Variants in TNIP2 observed in about 807,000 individuals in gnomAD.
The protein encoded by TNIP2 is TNFAIP3-interacting protein 2.
In TNIP2, 30 loss-of-function variants were observed where a neutral mutation model predicts 43.7. That is an observed-to-expected ratio of 0.69 (90% CI 0.51 to 0.93). TNIP2 has a LOEUF of 0.93. Among genes scored for constraint, TNIP2 ranks in the 40% least tolerant of loss-of-function variants. TNIP2 has a pLI of 0.00. For synonymous variants in TNIP2, 260 were observed against 254.6 expected, an observed-to-expected ratio of 1.02 and a Z score of -0.20; for missense variants, 599 against 591.0, an observed-to-expected ratio of 1.01 and a Z score of -0.14.
At chr4:2,746,965 G>GA (rs1215421590) in intron 2 of TNIP2, among the ~76,000 whole-genome samples, 1 of 152,248 alleles carries the variant, frequency 6.6e-6, no homozygotes, top group Non-Finnish European at 1.5e-5. Context: ...AGACCCCACA[G>GA]AGAGCTACAG....
At chr4:2,750,897 C>T (rs373044780) in intron 1 of TNIP2, among the ~76,000 whole-genome samples, 2 of 152,290 alleles carry the variant, frequency 1.3e-5, no homozygotes, top group African/African-American at 4.8e-5. Flanking sequence ...CTCGTAGATC[C>T]TGAGGGCGTG....
chr4:2,748,031 G>T (rs1722000128), intron 1 of TNIP2, 86 bp from the exon 2 acceptor site: 1 of 1,427,784 alleles, frequency 7.0e-7, no homozygotes, highest in African/African-American at 1.4e-5. Context: ...AGAAGACCTG[G>T]CGTGGATGCC....
At chr4:2,753,079 A>T (rs231175) in intron 1 of TNIP2, among the ~76,000 whole-genome samples, 29,505 of 152,162 alleles carry the variant, frequency 0.19, 3,734 homozygotes, top group Middle Eastern at 0.3. Flanking sequence ...TCTCTAAAAA[A>T]ATAAAAATAA....
In TNIP2 at chr4:2,744,832, C is replaced by T. The variant is rs1158295108; in HGVS notation, c.771G>A (p.Met257Ile). 4 of 1,613,838 alleles carry T rather than the reference C, an allele frequency of 2.5e-6. No individual in the cohort carries two copies. The highest frequency in any genetic ancestry group is 3.4e-6 in the Non-Finnish European group (4 of 1,180,050). Reference protein sequence around the residue: ...GLQIPHEPELMRKEISRLNRQ... With the variant: ...GLQIPHEPELIRKEISRLNRQ... ...TGTTGAGCCGGGAGATCTCCTTCCT[C>T]ATCAGCTCGGGCTCGTGGGGGATCT... The change falls in exon 4 of 6, where the codon ATG (methionine) becomes ATA (isoleucine). Residue 257 changes from methionine to isoleucine, a missense_variant. Met to Ile is a conservative substitution (Grantham distance 10). Coordinates refer to ENST00000315423, the MANE Select transcript of TNIP2 (RefSeq NM_024309.4). The surrounding 1 kb of genome is among the most constrained non-coding windows in gnomAD (Gnocchi z 5.1).
chr4:2,756,298 G>T lies in TNIP2; in HGVS notation c.-9C>A. The stretch of plus-strand genomic sequence containing the variant: ...CCCGGGTCCCGGGACATGGCTGTAG[G>T]CCCGCCCGGGAGGCCGCGCGGCCGC... On this transcript the variant is annotated 5_prime_UTR_variant, in exon 1 of 6. Transcript: ENST00000315423. 8.1e-7 allele frequency: 1 copy of T among 1,238,258 alleles called. No homozygotes were observed. The highest frequency in any genetic ancestry group is 1.0e-6 in the Non-Finnish European group (1 of 992,506). The allele number at this position is 1,238,258 out of a possible 1,614,324, so 76.7% of individuals were successfully genotyped here.
intron 1 of TNIP2, among the ~76,000 whole-genome samples, chr4:2,753,811 T>G (rs1168149169): frequency 6.6e-6 from 1 of 152,246 alleles, no homozygotes; most frequent in African/African-American, 2.4e-5. Context: ...ACTTCCCTTC[T>G]GCTCTAGTGA....
At chr4:2,746,093 C>T (rs554562185) in intron 2 of TNIP2, 1 of 155,944 alleles carries the variant, frequency 6.4e-6, no homozygotes, top group South Asian at 2.0e-4. Flanking sequence ...TGATTCTGGA[C>T]ACAGGAATCT....
chr4:2,746,174 G>T (rs1577308000), intron 2 of TNIP2: 1 of 152,662 alleles, frequency 6.6e-6, no homozygotes, highest in Non-Finnish European at 1.5e-5. Flanking sequence ...AACAACTACA[G>T]AGCTGAATGA....
intron 1 of TNIP2, among the ~76,000 whole-genome samples, chr4:2,751,266 G>T (rs1378047080): frequency 1.3e-5 from 2 of 152,162 alleles, no homozygotes; most frequent in Admixed American, 1.3e-4. Context: ...TGGAGTTGTG[G>T]GTCTACACAC....
intron 1 of TNIP2, among the ~76,000 whole-genome samples, chr4:2,751,784 G>A (rs1205411558): frequency 9.3e-5 from 14 of 150,094 alleles, no homozygotes; most frequent in Non-Finnish European, 1.6e-4. Context: ...GAGGGGAGGG[G>A]AGGGGAGGAG....
At chr4:2,748,946 G>A (rs763408704) in intron 1 of TNIP2, among the ~76,000 whole-genome samples, 15 of 151,378 alleles carry the variant, frequency 9.9e-5, no homozygotes, top group African/African-American at 1.5e-4. Context: ...ACGTGCCACC[G>A]TGCCTGGTTA....
chr4:2,755,585 C>T (rs1251627151), intron 1 of TNIP2, among the ~76,000 whole-genome samples: 1 of 147,358 alleles, frequency 6.8e-6, no homozygotes, highest in Non-Finnish European at 1.5e-5. Flanking sequence ...CCCCCAGGAC[C>T]CAGCACACCT....
rs146342588 is a variant in TNIP2, at chr4:2,746,506, T to C, written c.568-971A>G. On this transcript the variant is annotated intron_variant, in intron 2 of 5. Coordinates refer to ENST00000315423, the MANE Select transcript of TNIP2 (RefSeq NM_024309.4). ...GCCTCCGCCCAGACGGCACTTTTCC[T>C]CTGGTTTCTGAATGCAGCTGTGTCC... Among the ~76,000 whole-genome samples the C allele has an allele frequency of 4.6e-4, 70 of 152,250 alleles. 1 individual carries two copies. In the East Asian group the frequency reaches 0.013, roughly 28 times the overall value.
Position 2,756,138 on chromosome 4 carries a change from C to A in TNIP2, c.152G>T (p.Arg51Leu). 2.0e-6 allele frequency: 3 copies of A among 1,473,842 alleles called. No homozygotes were observed. The highest frequency in any genetic ancestry group is 2.7e-6 in the Non-Finnish European group (3 of 1,120,818). The allele number at this position is 1,473,842 out of a possible 1,614,324, so 91.3% of individuals were successfully genotyped here. A position where few individuals can be genotyped will look rare whatever the true frequency, so the allele number is the denominator to read the frequency against. The change falls in exon 1 of 6, where the codon CGC (arginine) becomes CTC (leucine). Residue 51 changes from arginine (R) to leucine (L), a missense_variant. By Grantham distance (102) the Arg-to-Leu change is moderately radical. Coordinates refer to ENST00000315423, the MANE Select transcript of TNIP2 (RefSeq NM_024309.4). The stretch of plus-strand genomic sequence containing the variant: ...GGCGTCCCCCTCCAGCGCGGCCAGG[C>A]GGGCGCGGAGGCGAGCGATGAGGGC... ...RDALIARLRA[R>L]LAALEGDAAP...
intron 1 of TNIP2, among the ~76,000 whole-genome samples, chr4:2,754,495 C>T (rs1722177087): frequency 6.6e-6 from 1 of 152,262 alleles, no homozygotes; most frequent in Non-Finnish European, 1.5e-5. Flanking sequence ...CGGCTCACTG[C>T]AAGCTCCGCC....
intron 5 of TNIP2, among the ~76,000 whole-genome samples, chr4:2,742,849 CCA>C (rs373665997): frequency 2.6e-5 from 4 of 152,314 alleles, no homozygotes; most frequent in South Asian, 2.1e-4. Context: ...CCACAGGCCA[CCA>C]CAGAGTGGAG....
intron 5 of TNIP2, 101 bp from the exon 6 acceptor site, chr4:2,742,621 G>A (rs890949146): frequency 1.1e-5 from 14 of 1,307,848 alleles, no homozygotes; most frequent in Middle Eastern, 1.9e-4. Context: ...ATCCCTGAGC[G>A]GAACTTCAGC....
At chr4:2,748,088 C>T in intron 1 of TNIP2, 143 bp from the exon 2 acceptor site, 1 of 804,560 alleles carries the variant, frequency 1.2e-6, no homozygotes, top group Non-Finnish European at 1.9e-6. Context: ...GGCGTTTGAA[C>T]TAACAATTAC....
Position 2,743,361 on chromosome 4 carries a change from T to C in TNIP2, c.1027-841A>G, listed in dbSNP as rs952539237. Among the ~76,000 whole-genome samples the C allele has an allele frequency of 4.6e-5, 7 of 152,140 alleles. No homozygotes were observed. In the East Asian group the frequency reaches 1.3e-3, roughly 29 times the overall value. On this transcript the variant is annotated intron_variant, in intron 5 of 5. Coordinates refer to ENST00000315423, the MANE Select transcript of TNIP2 (RefSeq NM_024309.4). ...GAACCAGTTCATCTGGTCCAAAATC[T>C]TCAAGAGGCGGCCTGAGACCATCCT...
Sources: allele counts gnomAD v4.1 joint callset (sites outside exome capture counted in the v4.1 genomes callset), GRCh38; gene constraint gnomAD v4.1.1; non-coding constraint Gnocchi (gnomAD v3.1); transcripts MANE v1.5; gene names NCBI Gene and HGNC (gene_info 2026-07-23, HGNC 2026-07-21).